Variants in ENTHD1 observed in about 807,000 individuals in gnomAD.
The protein encoded by ENTHD1 is ENTH domain-containing protein 1.
ENTHD1 carries 23 observed loss-of-function variants against 39.1 expected under a neutral mutation model. The ratio of observed to expected loss-of-function variants is 0.59; its 90% CI spans 0.42 to 0.83. ENTHD1 has a LOEUF of 0.83. Ranked by LOEUF, ENTHD1 falls within the 40% of genes least tolerant of loss-of-function variation. The pLI is 0.00. For synonymous variants in ENTHD1, 230 were observed against 258.2 expected (o/e 0.89, Z 1.05); for missense variants, 624 against 705.4 (o/e 0.88, Z 1.31).
intron 6 of ENTHD1, among the ~76,000 whole-genome samples, chr22:39,752,370 A>G (rs2146536123): frequency 6.6e-6 from 1 of 152,308 alleles, no homozygotes; most frequent in Admixed American, 6.5e-5. Context: ...ATACATAGAG[A>G]CAACAAGATC....
intron 3 of ENTHD1, among the ~76,000 whole-genome samples, chr22:39,844,819 A>G (rs745782116): frequency 6.6e-6 from 1 of 152,186 alleles, no homozygotes; most frequent in Non-Finnish European, 1.5e-5. Context: ...GAAAATAGCT[A>G]GAGAAAAAAA....
intron 5 of ENTHD1, among the ~76,000 whole-genome samples, chr22:39,767,818 TAGTAAAAA>T (rs1262583560): frequency 6.6e-6 from 1 of 152,216 alleles, no homozygotes; most frequent in Non-Finnish European, 1.5e-5. Flanking sequence ...TTTTAAGGTT[TAGTAAAAA>T]AGTTTAAAAT....
chr22:39,853,382 A>C (rs1850485364), intron 3 of ENTHD1, among the ~76,000 whole-genome samples: 1 of 151,996 alleles, frequency 6.6e-6, no homozygotes, highest in African/African-American at 2.4e-5. Context: ...AAAAAATACA[A>C]AAGTGAGTCG....
intron 5 of ENTHD1, among the ~76,000 whole-genome samples, chr22:39,771,338 A>C (rs969038655): frequency 1.3e-5 from 2 of 152,174 alleles, no homozygotes; most frequent in African/African-American, 4.8e-5. Context: ...TGTTTTTCCA[A>C]CTTGCTACCC....
At chr22:39,821,520 C>G (rs1224372792) in intron 4 of ENTHD1, among the ~76,000 whole-genome samples, 2 of 152,166 alleles carry the variant, frequency 1.3e-5, no homozygotes, top group Non-Finnish European at 2.9e-5. Flanking sequence ...AAAAGATAAT[C>G]AATCCAATCA....
chr22:39,788,383 G>T (rs1299246628), intron 5 of ENTHD1, among the ~76,000 whole-genome samples: 11 of 152,280 alleles, frequency 7.2e-5, no homozygotes, highest in Admixed American at 2.0e-4. Context: ...CTGCAGATGT[G>T]GTGGAAATAG....
chr22:39,873,271 TAA>T (rs1001168949), intron 2 of ENTHD1, among the ~76,000 whole-genome samples: 1 of 152,142 alleles, frequency 6.6e-6, no homozygotes, highest in Non-Finnish European at 1.5e-5. Flanking sequence ...AATTGAGAAT[TAA>T]AAAAACACAC....
intron 6 of ENTHD1, among the ~76,000 whole-genome samples, chr22:39,753,242 C>G (rs2065160565): frequency 6.6e-6 from 1 of 152,180 alleles, no homozygotes; most frequent in Admixed American, 6.5e-5. Context: ...TGAGAATATA[C>G]TGAAGGCTGA....
In ENTHD1 at chr22:39,867,482, C is replaced by G. The variant is rs2066194199; in HGVS notation, c.350-5475G>C. On this transcript the variant is annotated intron_variant, in intron 2 of 6. Transcript: ENST00000325157. This position sits in a 1 kb window ranked among gnomAD's most constrained non-coding sequence, Gnocchi z 4.5. ...GTTAGAAATATGAACATATACCTCCCAAATTCAGTTATCCACGTCTATTGA... is the reference window on the plus strand; with the variant it reads ...GTTAGAAATATGAACATATACCTCCGAAATTCAGTTATCCACGTCTATTGA... 6.6e-6 allele frequency among the ~76,000 whole-genome samples: 1 copy of G among 152,030 alleles called. No individual in the cohort carries two copies. The highest frequency in any genetic ancestry group is 1.5e-5 in the Non-Finnish European group (1 of 68,008).
At chr22:39,802,101 C>G (rs1569146452) in intron 5 of ENTHD1, among the ~76,000 whole-genome samples, 1 of 152,156 alleles carries the variant, frequency 6.6e-6, no homozygotes, top group African/African-American at 2.4e-5. Context: ...CAAACCTATT[C>G]TCTCCTCCAC....
chr22:39,822,089 C>G (rs1219334162), intron 4 of ENTHD1, among the ~76,000 whole-genome samples: 2 of 152,158 alleles, frequency 1.3e-5, no homozygotes, highest in Non-Finnish European at 2.9e-5. Context: ...TTACCATAAA[C>G]TGTTCATATT....
At chr22:39,826,164 T>C (rs953392653) in intron 4 of ENTHD1, among the ~76,000 whole-genome samples, 1 of 152,208 alleles carries the variant, frequency 6.6e-6, no homozygotes, top group Non-Finnish European at 1.5e-5. Context: ...ATTATGAGCA[T>C]GCCTGGCCCG....
At chr22:39,847,640 C>T (rs2066001473) in intron 3 of ENTHD1, among the ~76,000 whole-genome samples, 1 of 151,910 alleles carries the variant, frequency 6.6e-6, no homozygotes, top group Admixed American at 6.6e-5. Context: ...AATCCTTCCG[C>T]CTTGATCTCC....
intron 1 of ENTHD1, among the ~76,000 whole-genome samples, chr22:39,888,577 G>A (rs949951595): frequency 6.6e-6 from 1 of 151,958 alleles, no homozygotes; most frequent in African/African-American, 2.4e-5. Context: ...ACAGATGCAC[G>A]CCACCACACC....
At chr22:39,767,361 G>A (rs558593438) in intron 5 of ENTHD1, among the ~76,000 whole-genome samples, 66 of 152,228 alleles carry the variant, frequency 4.3e-4, no homozygotes, top group Middle Eastern at 6.8e-3. Flanking sequence ...GCCAGGCGCA[G>A]TGCCTGTAGT....
At chr22:39,822,962 G>C (rs1377744299) in intron 4 of ENTHD1, among the ~76,000 whole-genome samples, 1 of 152,138 alleles carries the variant, frequency 6.6e-6, no homozygotes, top group Non-Finnish European at 1.5e-5. Context: ...TATTGACATT[G>C]AAATAGTCAA....
At chr22:39,763,638 G>A (rs532857072) in intron 6 of ENTHD1, among the ~76,000 whole-genome samples, 24 of 152,086 alleles carry the variant, frequency 1.6e-4, no homozygotes, top group Non-Finnish European at 3.2e-4. Context: ...TTTCTACTTG[G>A]TTGTTTGATG....
At chr22:39,885,743 T>C (rs1477252143) in intron 2 of ENTHD1, among the ~76,000 whole-genome samples, 1 of 152,174 alleles carries the variant, frequency 6.6e-6, no homozygotes, top group African/African-American at 2.4e-5. Flanking sequence ...ACAAATACTG[T>C]ATGATTCCAC....
chr22:39,877,009 C>A (rs1404364502), intron 2 of ENTHD1, among the ~76,000 whole-genome samples: 1 of 152,188 alleles, frequency 6.6e-6, no homozygotes, highest in Non-Finnish European at 1.5e-5. Context: ...CAGAGGCATA[C>A]AGACATTGTA....
Sources: allele counts gnomAD v4.1 joint callset (sites outside exome capture counted in the v4.1 genomes callset), GRCh38; gene constraint gnomAD v4.1.1; non-coding constraint Gnocchi (gnomAD v3.1); transcripts MANE v1.5; gene names NCBI Gene and HGNC (gene_info 2026-07-23, HGNC 2026-07-21).